The following MAGEC3 variants were observed in gnomAD, a reference collection of about 807,000 sequenced individuals.
The protein encoded by MAGEC3 is melanoma-associated antigen C3.
A neutral mutation model predicts 35.3 loss-of-function variants in MAGEC3; 34 were observed. The ratio of observed to expected loss-of-function variants is 0.96; its 90% CI spans 0.73 to 1.28. The LOEUF (loss-of-function observed/expected upper bound fraction) is 1.28. Among genes scored for constraint, MAGEC3 ranks in the 50% most tolerant of loss-of-function variants. The probability of loss-of-function intolerance (pLI) is 0.00; values close to 1 mark genes in which losing one functional copy is unlikely to be tolerated. For missense variants in MAGEC3, 561 were observed against 483.6 expected (o/e 1.16, Z -1.50); for synonymous variants, 202 against 185.6 (o/e 1.09, Z -0.72).
At position 141,897,130 on chromosome X, in the gene MAGEC3, G is replaced by A. The variant is rs867666403; in HGVS notation, c.1372G>A (p.Glu458Lys). ...SESLPRYALD[E>K]KVAELVQFLL... ...ATCCTTGCCCAGGTATGCCCTGGATGAAAAGGTGGCTGAGTTGGTGCAGTT... is the reference window on the plus strand; with the variant it reads ...ATCCTTGCCCAGGTATGCCCTGGATAAAAAGGTGGCTGAGTTGGTGCAGTT... Residue 458 changes from glutamate to lysine, a missense_variant, in exon 7 of 8, where the codon GAA becomes AAA. Coordinates refer to ENST00000298296, the MANE Select transcript of MAGEC3 (RefSeq NM_138702.1). 1 of 1,211,951 alleles carries A rather than the reference G, an allele frequency of 8.3e-7. No individual in the cohort carries two copies. The highest frequency in any genetic ancestry group is 1.1e-6 in the Non-Finnish European group (1 of 895,596).
chrX:141,859,195 A>T (rs140634122), intron 1 of MAGEC3, among the ~76,000 whole-genome samples: 1 of 110,185 alleles, frequency 9.1e-6, no homozygotes, highest in Admixed American at 9.7e-5. Context: ...ATCTTTCTAT[A>T]TTAATAAGTG....
chrX:141,879,483 G>C, intron 3 of MAGEC3, 52 bp downstream of exon 3: 1 of 1,119,519 alleles, frequency 8.9e-7, no homozygotes, highest in Non-Finnish European at 1.2e-6. Context: ...AAAAGGTGGA[G>C]GGATACCGAG....
Position 141,897,025 on chromosome X carries a change from CTT to C in MAGEC3, c.1270_1271del (p.Leu424ValfsTer6). ...TCCTCTAGACTCCTGCTCATCCCCT[CTT>C]TTGTGGACCCGATTGGATGAGGAGT... ...QSPLDSCSSP[L>X]LWTRLDEESS... On this transcript the variant is annotated frameshift_variant, in exon 7 of 8. Transcript: ENST00000298296. LOFTEE classifies it high-confidence loss of function. 1 of 1,211,252 alleles carries C rather than the reference CTT, an allele frequency of 8.3e-7. No individual in the cohort carries two copies. Among genetic ancestry groups the C allele is most frequent in the African/African-American group, 1.7e-5 (1 of 57,762 alleles).
intron 1 of MAGEC3, among the ~76,000 whole-genome samples, chrX:141,855,392 A>G (rs1403626256): frequency 2.7e-5 from 3 of 111,416 alleles, no homozygotes; most frequent in Non-Finnish European, 5.7e-5. Context: ...ACTAATAGTC[A>G]TTACCTTGTT....
chrX:141,896,861 C>T (rs143991651), intron 6 of MAGEC3, 21 bp from the exon 7 acceptor site: 1 of 1,194,536 alleles, frequency 8.4e-7, no homozygotes, highest in African/African-American at 1.8e-5. Context: ...TTACCCTCTA[C>T]TCTCATTCTG....
At chrX:141,891,280 G>A (rs10126509) in intron 4 of MAGEC3, among the ~76,000 whole-genome samples, 4,263 of 111,381 alleles carry the variant, frequency 0.038, 177 homozygotes, top group African/African-American at 0.12. Flanking sequence ...CTTTGTATGT[G>A]TGCATTTTGA....
In MAGEC3 at chrX:141,838,417, G is replaced by GGTGCTCCCACCTCAGCCCCAGGT. The variant is rs748445133; in HGVS notation, c.106_123+5dup. The GGTGCTCCCACCTCAGCCCCAGGT allele has an allele frequency of 2.0e-5, 24 of 1,208,474 alleles. No homozygotes were observed. The highest frequency in any genetic ancestry group is 2.3e-4 in the Middle Eastern group (1 of 4,356). ...GTGCCACATATGCCTTATCCCCAGT[G>GGTGCTCCCACCTCAGCCCCAGGT]GTGCTCCCACCTCAGCCCCAGGTGT... On this transcript the variant is annotated frameshift_variant, in exon 1 of 8. Transcript: ENST00000298296. LOFTEE classifies it high-confidence loss of function.
intron 1 of MAGEC3, among the ~76,000 whole-genome samples, chrX:141,849,421 A>G (rs764485196): frequency 9.0e-6 from 1 of 111,312 alleles, no homozygotes; most frequent in South Asian, 3.7e-4. Context: ...AAAATCAAAA[A>G]TTGACAAGTG....
chrX:141,857,073 A>G (rs1252299435), intron 1 of MAGEC3, among the ~76,000 whole-genome samples: 1 of 111,433 alleles, frequency 9.0e-6, no homozygotes, highest in East Asian at 2.8e-4. Context: ...TATATTCAGT[A>G]AAATCTGCAT....
intron 2 of MAGEC3, 72 bp downstream of exon 2, chrX:141,865,677 G>A (rs1472712194): frequency 9.2e-7 from 1 of 1,088,159 alleles, no homozygotes; most frequent in Non-Finnish European, 1.2e-6. Context: ...TGCCCTCCCT[G>A]TGCTGTTAGC....
chrX:141,840,780 C>CAAA (rs371807098), intron 1 of MAGEC3, among the ~76,000 whole-genome samples: 3 of 98,607 alleles, frequency 3.0e-5, no homozygotes, highest in African/African-American at 1.1e-4. Flanking sequence ...TTTTTCACAT[C>CAAA]AAAAAAAAAA....
At chrX:141,870,986 A>T (rs1306445199) in intron 2 of MAGEC3, among the ~76,000 whole-genome samples, 1 of 112,379 alleles carries the variant, frequency 8.9e-6, no homozygotes, top group East Asian at 2.8e-4. Flanking sequence ...AATTCCTAAG[A>T]CTGTTTTTAT....
chrX:141,874,275 A>G (rs999059749), intron 2 of MAGEC3, among the ~76,000 whole-genome samples: 17 of 112,076 alleles, frequency 1.5e-4, no homozygotes, highest in East Asian at 2.8e-4. Flanking sequence ...CACATAGAAG[A>G]TACCACAGGG....
At chrX:141,894,273 A>G (rs1285057403) in intron 4 of MAGEC3, among the ~76,000 whole-genome samples, 1 of 112,377 alleles carries the variant, frequency 8.9e-6, no homozygotes, top group African/African-American at 3.2e-5. Context: ...ATAATTTCAC[A>G]TAATAGTTAA....
In MAGEC3 at chrX:141,884,314, CT is replaced by C. The variant is rs201033374; in HGVS notation, c.909+2526del. On this transcript the variant is annotated intron_variant, in intron 4 of 7. Coordinates refer to ENST00000298296, the MANE Select transcript of MAGEC3 (RefSeq NM_138702.1). Reference sequence around the variant, plus strand: ...GACTGGCTTAGCCTCCCAGCCTACACTTTTTTTTCCTGTGCTGGATGCTTCC... The same window carrying C: ...GACTGGCTTAGCCTCCCAGCCTACACTTTTTTTCCTGTGCTGGATGCTTCC... Among the ~76,000 whole-genome samples the C allele has an allele frequency of 1.4e-3, 160 of 111,648 alleles. 3 individuals carry two copies. The East Asian group carries it at 0.039, about 27-fold the overall frequency.
intron 6 of MAGEC3, chrX:141,896,445 A>C: frequency 8.7e-7 from 1 of 1,149,183 alleles, no homozygotes; most frequent in Non-Finnish European, 1.2e-6. Flanking sequence ...TGAGGGAGCA[A>C]ACCTCTTAGG....
chrX:141,847,408 T>C (rs2017723490), intron 1 of MAGEC3, among the ~76,000 whole-genome samples: 2 of 111,434 alleles, frequency 1.8e-5, no homozygotes, highest in South Asian at 7.3e-4. Context: ...TAGGTCATTA[T>C]GGATGGATTT....
In MAGEC3 at chrX:141,870,331, T is replaced by C. The variant is rs756397624; in HGVS notation, c.258+4726T>C. Among the ~76,000 whole-genome samples, 6 of 111,877 alleles carry C rather than the reference T, an allele frequency of 5.4e-5. No individual in the cohort carries two copies. In the South Asian group the frequency reaches 1.9e-3, roughly 35 times the overall value. ...TGTTTAATTTTAACCAGTTTGACCA[T>C]GAAGTGCGATTTTTATATACCTGTT... On this transcript the variant is annotated intron_variant, in intron 2 of 7. Coordinates refer to ENST00000298296, the MANE Select transcript of MAGEC3 (RefSeq NM_138702.1).
chrX:141,865,501 T>C lies in MAGEC3; in HGVS notation c.154T>C (p.Ser52Pro). Residue 52 changes from serine to proline, a missense_variant, in exon 2 of 8, where the codon TCT (serine) becomes CCT (proline). Transcript: ENST00000298296. ...PRKKATDKDY[S>P]AFHLGHLREV... The stretch of plus-strand genomic sequence containing the variant: ...GAAAAAGGCCACAGATAAGGACTAT[T>C]CTGCCTTTCATCTTGGGCATCTGAG... 1.7e-6 allele frequency: 2 copies of C among 1,211,113 alleles called. No homozygotes were observed. Among genetic ancestry groups the C allele is most frequent in the Non-Finnish European group, 2.2e-6 (2 of 895,180 alleles).
Sources: gnomAD v4.1 joint callset for allele counts (sites outside exome capture counted in the v4.1 genomes callset) on GRCh38, gnomAD v4.1.1 for gene constraint, MANE v1.5 for transcripts, NCBI Gene and HGNC (gene_info 2026-07-23, HGNC 2026-07-21) for gene names.